Variants in RGS6 observed in about 807,000 individuals in gnomAD.
The protein encoded by RGS6 is regulator of G protein signaling 6, also known as regulator of G-protein signaling 6.
Under a neutral mutation model 78.5 loss-of-function variants are expected in RGS6, and 30 were observed. That is an observed-to-expected ratio of 0.38 (90% CI 0.29 to 0.52). RGS6 has a LOEUF of 0.52. Among genes scored for constraint, RGS6 ranks in the 20% least tolerant of loss-of-function variants. The pLI is 0.85. For missense variants in RGS6, 495 were observed against 609.7 expected (o/e 0.81, Z 1.98); for synonymous variants, 206 against 206.0 (o/e 1.00, Z 0.00).
At chr14:71,953,974 T>TTTTTG (rs956409735) in intron 1 of RGS6, among the ~76,000 whole-genome samples, 3 of 145,542 alleles carry the variant, frequency 2.1e-5, no homozygotes, top group Non-Finnish European at 3.0e-5. Context: ...TGGGCGTTTT[T>TTTTTG]TTTTTTTTTT....
chr14:72,063,096 T>C (rs1233847147), intron 2 of RGS6, among the ~76,000 whole-genome samples: 2 of 152,168 alleles, frequency 1.3e-5, no homozygotes, highest in African/African-American at 4.8e-5. Flanking sequence ...GTGCTGAGAT[T>C]ACAATCATGC....
At chr14:72,335,023 G>A (rs903822858) in intron 2 of RGS6, among the ~76,000 whole-genome samples, 1 of 151,992 alleles carries the variant, frequency 6.6e-6, no homozygotes, top group Non-Finnish European at 1.5e-5. Context: ...ATCATGGGGG[G>A]GCAGGTCTTT....
chr14:72,265,816 G>A (rs1266287068), intron 2 of RGS6, among the ~76,000 whole-genome samples: 1 of 152,042 alleles, frequency 6.6e-6, no homozygotes, highest in South Asian at 2.1e-4. Context: ...CAAGCTGCCT[G>A]TGCAAAGCCT....
intron 6 of RGS6, 64 bp downstream of exon 6, chr14:72,459,747 A>T: frequency 6.5e-7 from 1 of 1,530,272 alleles, no homozygotes; most frequent in South Asian, 1.1e-5. Flanking sequence ...GGGGGTGCAG[A>T]AGACAAATGC....
chr14:71,971,158 T>G (rs1462919003), intron 2 of RGS6, among the ~76,000 whole-genome samples: 1 of 152,190 alleles, frequency 6.6e-6, no homozygotes, highest in African/African-American at 2.4e-5. Context: ...TAAAAGTATC[T>G]TCCCTTTGGG....
intron 6 of RGS6, among the ~76,000 whole-genome samples, chr14:72,464,441 A>G (rs6574077): frequency 0.69 from 104,613 of 152,146 alleles, 36,419 homozygotes; most frequent in East Asian, 0.97. Context: ...GTGTGGGCAT[A>G]CCAGAGGGTA....
chr14:72,294,790 G>A (rs1264448889), intron 2 of RGS6, among the ~76,000 whole-genome samples: 1 of 152,154 alleles, frequency 6.6e-6, no homozygotes, highest in East Asian at 1.9e-4. Flanking sequence ...CAAAGGGGTG[G>A]TGCTAAACCG....
chr14:72,396,138 C>A (rs1468759010), intron 3 of RGS6, among the ~76,000 whole-genome samples: 1 of 152,176 alleles, frequency 6.6e-6, no homozygotes, highest in African/African-American at 2.4e-5. Context: ...AACTAGTTTA[C>A]AGTCCCACCA....
Position 72,297,673 on chromosome 14 carries a change from T to C in RGS6, c.85-54422T>C, listed in dbSNP as rs1423038411. 2.1e-5 allele frequency among the ~76,000 whole-genome samples: 3 copies of C among 143,062 alleles called. No individual in the cohort carries two copies. The East Asian group carries it at 7.3e-4, about 35-fold the overall frequency. 93.9% of individuals were successfully genotyped at this position (143,062 alleles called of 152,430 possible). On this transcript the variant is annotated intron_variant, in intron 2 of 17. Coordinates refer to ENST00000553525, the MANE Select transcript of RGS6 (RefSeq NM_001204424.2). ...CCCACCTATGAGTGAGAATATACGG[T>C]GTTTGGTTTTTTGTTCTTGCGATAG...
intron 1 of RGS6, among the ~76,000 whole-genome samples, chr14:71,960,186 C>G (rs542424517): frequency 1.3e-5 from 2 of 152,182 alleles, no homozygotes; most frequent in Non-Finnish European, 2.9e-5. Context: ...CAATGATTCA[C>G]GAATCTGTTT....
rs150296729 is a variant in RGS6 at position 72,280,073 on chromosome 14, A to G, written c.85-72022A>G. ...ATGTATTCCTGCTTATCATTATTGG[A>G]GGCAGGGGTTGTGAAGTCAGCATGG... is the stretch of plus-strand genomic sequence containing the variant. On this transcript the variant is annotated intron_variant, in intron 2 of 17. Transcript: ENST00000553525. Among the ~76,000 whole-genome samples the G allele has an allele frequency of 1.3e-3, 201 of 152,230 alleles. 1 individual carries two copies. The highest frequency in any genetic ancestry group is 4.5e-3 in the African/African-American group (188 of 41,536).
intron 2 of RGS6, among the ~76,000 whole-genome samples, chr14:71,978,205 CA>C (rs1476671223): frequency 7.6e-6 from 1 of 131,574 alleles, no homozygotes; most frequent in East Asian, 2.3e-4. Context: ...ATGTCGTCTG[CA>C]AACAGGGACA....
the RGS6 span, among the ~76,000 whole-genome samples, chr14:72,571,888 G>A: frequency 6.6e-6 from 1 of 152,196 alleles, no homozygotes; most frequent in Non-Finnish European, 1.5e-5. Context: ...ATCCCAGATT[G>A]GGAGAAAATA....
intron 17 of RGS6, among the ~76,000 whole-genome samples, chr14:72,557,791 A>G (rs1055127913): frequency 2.6e-5 from 4 of 152,304 alleles, no homozygotes; most frequent in South Asian, 2.1e-4. Context: ...GTTTGCATCA[A>G]TGGAGGCTAG....
At chr14:72,605,007 G>A in the RGS6 span, among the ~76,000 whole-genome samples, 1 of 152,324 alleles carries the variant, frequency 6.6e-6, no homozygotes, top group Non-Finnish European at 1.5e-5. Flanking sequence ...GGAGCACCAG[G>A]TCTTGGGTTT....
At chr14:72,495,659 AC>A in intron 13 of RGS6, among the ~76,000 whole-genome samples, 1 of 152,292 alleles carries the variant, frequency 6.6e-6, no homozygotes, top group East Asian at 1.9e-4. Flanking sequence ...CGACAGGTAA[AC>A]ATTACTATTC....
chr14:72,192,380 A>C (rs1050312650), intron 2 of RGS6, among the ~76,000 whole-genome samples: 1 of 152,224 alleles, frequency 6.6e-6, no homozygotes, highest in African/African-American at 2.4e-5. Context: ...AAAGAAGCCA[A>C]GGAGGAAAGT....
the RGS6 span, chr14:72,629,664 T>A: frequency 6.5e-7 from 1 of 1,536,090 alleles, no homozygotes; most frequent in Non-Finnish European, 8.7e-7. Flanking sequence ...GGATTTGCAC[T>A]CTATGCACTG....
At chr14:72,127,224 T>C (rs2096216447) in intron 2 of RGS6, among the ~76,000 whole-genome samples, 1 of 152,250 alleles carries the variant, frequency 6.6e-6, no homozygotes, top group Non-Finnish European at 1.5e-5. Context: ...TATTTAGATA[T>C]AAAGTCACTG....
Sources: allele counts gnomAD v4.1 joint callset (sites outside exome capture counted in the v4.1 genomes callset), GRCh38; gene constraint gnomAD v4.1.1; transcripts MANE v1.5; gene names NCBI Gene and HGNC (gene_info 2026-07-23, HGNC 2026-07-21).